Variants in CHLSN observed in about 807,000 individuals in gnomAD.
CHLSN encodes cholesin, also known as protein cholesin.
the CHLSN span, chr7:1,010,004 T>C: frequency 1.3e-6 from 2 of 1,599,100 alleles, no homozygotes; most frequent in African/African-American, 1.3e-5. Context: ...AGGCGGGTGC[T>C]GGGCCACAAG....
chr7:1,128,492 G>A, the CHLSN span, among the ~76,000 whole-genome samples: 2 of 17,372 alleles, frequency 1.2e-4, no homozygotes, highest in Admixed American at 1.1e-3. Flanking sequence ...CACAATCTCG[G>A]CTCATCTCAC....
chr7:1,078,009 A>G, the CHLSN span: 3 of 152,202 alleles, frequency 2.0e-5, no homozygotes, highest in African/African-American at 7.2e-5. Flanking sequence ...TCCTAAAACG[A>G]AAGCTTCTCT....
chr7:1,028,269 CT>C, the CHLSN span: 19 of 1,091,380 alleles, frequency 1.7e-5, no homozygotes, highest in African/African-American at 3.1e-4. Flanking sequence ...TCTGACCCGG[CT>C]GTCAGGTCCC....
the CHLSN span, among the ~76,000 whole-genome samples, chr7:1,135,886 TATAA>T: frequency 3.6e-4 from 47 of 129,044 alleles, no homozygotes; most frequent in African/African-American, 1.3e-3. Context: ...TATATGAATA[TATAA>T]ATATATAAGT....
chr7:1,133,673 G>C, the CHLSN span, among the ~76,000 whole-genome samples: 111 of 147,424 alleles, frequency 7.5e-4, no homozygotes, highest in Non-Finnish European at 7.9e-4. Flanking sequence ...AGAATGGCGC[G>C]AACACGGGAG....
chr7:986,571 C>A, the CHLSN span: 1 of 1,584,096 alleles, frequency 6.3e-7, no homozygotes, highest in African/African-American at 1.3e-5. Context: ...GCCTGCCCAG[C>A]GTGCAGCCCT....
the CHLSN span, among the ~76,000 whole-genome samples, chr7:1,027,933 G>T: frequency 4.6e-5 from 7 of 152,218 alleles, no homozygotes; most frequent in African/African-American, 1.7e-4. Context: ...GGCCGGTTGC[G>T]GGGCCGCTCG....
the CHLSN span, chr7:1,078,070 A>G: frequency 6.6e-6 from 1 of 152,180 alleles, no homozygotes; most frequent in Non-Finnish European, 1.5e-5. Context: ...GTATTTTTAC[A>G]GCGTTTGGGA....
the CHLSN span, among the ~76,000 whole-genome samples, chr7:1,006,380 C>T: frequency 1.3e-5 from 2 of 150,354 alleles, no homozygotes; most frequent in Non-Finnish European, 2.9e-5. Flanking sequence ...AGCCACAGCG[C>T]AGGGAAAGAG....
At chr7:988,002 GGGGGGTCCCCTCTGTGTGTCCT>G in the CHLSN span, among the ~76,000 whole-genome samples, 2 of 97,896 alleles carry the variant, frequency 2.0e-5, no homozygotes, top group African/African-American at 3.7e-5. Flanking sequence ...TGTGTGTCCT[GGGGGGTCCCCTCTGTGTGTCCT>G]GGGGGTCCCC....
the CHLSN span, among the ~76,000 whole-genome samples, chr7:1,072,945 T>A: frequency 1.3e-5 from 2 of 152,208 alleles, no homozygotes; most frequent in African/African-American, 4.8e-5. Flanking sequence ...TGGCCTGGAG[T>A]CAATTTCTTT....
the CHLSN span, among the ~76,000 whole-genome samples, chr7:983,883 G>A: frequency 2.0e-5 from 3 of 152,236 alleles, no homozygotes; most frequent in Non-Finnish European, 2.9e-5. Context: ...ACGGCACGGG[G>A]CAGCCTGACT....
the CHLSN span, among the ~76,000 whole-genome samples, chr7:1,028,064 G>T: frequency 1.3e-5 from 2 of 151,852 alleles, no homozygotes; most frequent in Non-Finnish European, 2.9e-5. Context: ...TCGGGGACCG[G>T]CGCGCAGCGG....
At chr7:1,136,613 T>C in the CHLSN span, among the ~76,000 whole-genome samples, 5 of 144,602 alleles carry the variant, frequency 3.5e-5, no homozygotes, top group Admixed American at 7.0e-5. Context: ...TAAATATATA[T>C]AAATATATAA....
At chr7:1,124,407 C>T in the CHLSN span, among the ~76,000 whole-genome samples, 98 of 151,712 alleles carry the variant, frequency 6.5e-4, no homozygotes, top group African/African-American at 2.3e-3. Context: ...CCACCAAAGT[C>T]GTGTGTGCCT....
At chr7:1,138,185 CTACCT>C in the CHLSN span, 1 of 152,084 alleles carries the variant, frequency 6.6e-6, no homozygotes, top group African/African-American at 2.4e-5. Context: ...CCCCACGCGC[CTACCT>C]GCGCCCACCT....
chr7:1,000,554 A>G, the CHLSN span: 1 of 1,602,152 alleles, frequency 6.2e-7, no homozygotes, highest in Admixed American at 1.7e-5. Flanking sequence ...GGGCCCATCT[A>G]GGGAAAGAAA....
the CHLSN span, among the ~76,000 whole-genome samples, chr7:1,005,152 G>A: frequency 3.3e-5 from 5 of 152,178 alleles, no homozygotes; most frequent in South Asian, 2.1e-4. Flanking sequence ...TTAGCCGGGC[G>A]TGGTGTCGGA....
At chr7:1,086,072 C>T in the CHLSN span, among the ~76,000 whole-genome samples, 1 of 152,238 alleles carries the variant, frequency 6.6e-6, no homozygotes, top group African/African-American at 2.4e-5. Flanking sequence ...TGACTCTATG[C>T]TGCAAGCAGG....
Sources: gnomAD v4.1 joint callset for allele counts (sites outside exome capture counted in the v4.1 genomes callset) on GRCh38, gnomAD v4.1.1 for gene constraint, MANE v1.5 for transcripts, NCBI Gene and HGNC (gene_info 2026-07-23, HGNC 2026-07-21) for gene names.